Variants in KCNJ3 observed in about 807,000 individuals in gnomAD.
KCNJ3 encodes the protein potassium inwardly rectifying channel subfamily J member 3, also known as G protein-activated inward rectifier potassium channel 1.
Under a neutral mutation model 39.2 loss-of-function variants are expected in KCNJ3, and 4 were observed. The observed-to-expected ratio is 0.10, with a 90% CI of 0.05 to 0.23. The LOEUF is 0.23. KCNJ3 is among the 10% of genes least tolerant of loss of function. The probability of loss-of-function intolerance (pLI) is 1.00; values close to 1 mark genes in which losing one functional copy is unlikely to be tolerated. For synonymous variants in KCNJ3, 230 were observed against 237.4 expected (o/e 0.97, Z 0.29); for missense variants, 276 against 634.9 (o/e 0.43, Z 6.08).
chr2:154,780,973 A>G (rs1317204935), intron 2 of KCNJ3, among the ~76,000 whole-genome samples: 2 of 152,216 alleles, frequency 1.3e-5, no homozygotes, highest in African/African-American at 2.4e-5. Flanking sequence ...ACTATAAAAG[A>G]AGATTATTCT....
At chr2:154,825,629 G>A (rs953484350) in intron 2 of KCNJ3, among the ~76,000 whole-genome samples, 1 of 151,580 alleles carries the variant, frequency 6.6e-6, no homozygotes, top group African/African-American at 2.4e-5. Flanking sequence ...AGACTGGAGT[G>A]CAATGGCATG....
intron 2 of KCNJ3, among the ~76,000 whole-genome samples, chr2:154,739,036 G>T (rs1300005138): frequency 6.6e-6 from 1 of 151,926 alleles, no homozygotes; most frequent in Non-Finnish European, 1.5e-5. Context: ...CTAGAAAGCA[G>T]AAATCATAAA....
intron 2 of KCNJ3, among the ~76,000 whole-genome samples, chr2:154,783,495 C>T (rs1008288379): frequency 6.6e-6 from 1 of 152,122 alleles, no homozygotes; most frequent in Non-Finnish European, 1.5e-5. Flanking sequence ...CTGGATCTGT[C>T]TCAAAATAAT....
chr2:154,845,311 G>GT (rs1163591462), intron 2 of KCNJ3, among the ~76,000 whole-genome samples: 4 of 151,848 alleles, frequency 2.6e-5, no homozygotes, highest in Admixed American at 2.0e-4. Context: ...TAGAAATGGG[G>GT]TTTTACCATG....
intron 2 of KCNJ3, among the ~76,000 whole-genome samples, chr2:154,754,023 A>T (rs1409804694): frequency 6.6e-6 from 1 of 152,130 alleles, no homozygotes; most frequent in Non-Finnish European, 1.5e-5. Context: ...GATTTTTGCC[A>T]GTTTTCCACC....
chr2:154,806,857 G>A lies in KCNJ3; in HGVS notation c.920-47870G>A, dbSNP rs6755643. Among the ~76,000 whole-genome samples the A allele has an allele frequency of 9.8e-3, 1,494 of 152,174 alleles. 28 individuals carry two copies. Among genetic ancestry groups the A allele is most frequent in the South Asian group, 0.055 (266 of 4,818 alleles). On this transcript the variant is annotated intron_variant, in intron 2 of 2. Coordinates refer to ENST00000295101, the MANE Select transcript of KCNJ3 (RefSeq NM_002239.4). ...ACACGTAACTTTCTCTTTAAGTCTCGCACTGACCTTTCCTCTTGTCCAAGG... is the reference window on the plus strand; with the variant it reads ...ACACGTAACTTTCTCTTTAAGTCTCACACTGACCTTTCCTCTTGTCCAAGG...
At chr2:154,733,104 C>T (rs1685471142) in intron 2 of KCNJ3, among the ~76,000 whole-genome samples, 1 of 152,082 alleles carries the variant, frequency 6.6e-6, no homozygotes, top group Admixed American at 6.6e-5. Flanking sequence ...AGTCATTTTA[C>T]TTATGGTAAG....
At chr2:154,755,651 G>T (rs185959237) in intron 2 of KCNJ3, among the ~76,000 whole-genome samples, 301 of 150,432 alleles carry the variant, frequency 2.0e-3, no homozygotes, top group African/African-American at 7.1e-3. Context: ...TTGTACTAAG[G>T]TTCTTATTCA....
intron 2 of KCNJ3, among the ~76,000 whole-genome samples, chr2:154,738,708 C>T (rs1316901798): frequency 2.0e-5 from 3 of 151,842 alleles, no homozygotes; most frequent in Admixed American, 6.6e-5. Context: ...AGACAGAAGA[C>T]GGTGGAAAAA....
At chr2:154,771,596 G>A (rs901204570) in intron 2 of KCNJ3, among the ~76,000 whole-genome samples, 5 of 152,128 alleles carry the variant, frequency 3.3e-5, no homozygotes, top group African/African-American at 1.2e-4. Context: ...TAGAGAGGTT[G>A]TGTATTCCAA....
chr2:154,731,023 C>T (rs756639123), intron 2 of KCNJ3, among the ~76,000 whole-genome samples: 5 of 152,048 alleles, frequency 3.3e-5, no homozygotes, highest in East Asian at 3.9e-4. Flanking sequence ...AGAAGAATGC[C>T]GAGTACAGAA....
At chr2:154,779,552 T>C (rs751029601) in intron 2 of KCNJ3, among the ~76,000 whole-genome samples, 2 of 147,774 alleles carry the variant, frequency 1.4e-5, no homozygotes, top group Non-Finnish European at 3.0e-5. Flanking sequence ...TATTTATATA[T>C]ATAATTTTGG....
chr2:154,712,842 G>T (rs1025458975), intron 2 of KCNJ3, among the ~76,000 whole-genome samples: 1 of 152,054 alleles, frequency 6.6e-6, no homozygotes, highest in Non-Finnish European at 1.5e-5. Context: ...GGTTCCTGTA[G>T]GCTGTTTTAG....
chr2:154,839,907 G>A (rs1477400474), intron 2 of KCNJ3, among the ~76,000 whole-genome samples: 2 of 152,080 alleles, frequency 1.3e-5, no homozygotes, highest in African/African-American at 2.4e-5. Context: ...TCTGATGGTC[G>A]TTTCTTTTGC....
intron 2 of KCNJ3, among the ~76,000 whole-genome samples, chr2:154,814,339 A>G (rs1410747874): frequency 1.3e-5 from 2 of 152,174 alleles, no homozygotes; most frequent in Admixed American, 6.6e-5. Flanking sequence ...TGTATCAGGT[A>G]TAAAATGAAG....
chr2:154,778,605 C>T (rs1686378933), intron 2 of KCNJ3, among the ~76,000 whole-genome samples: 1 of 152,028 alleles, frequency 6.6e-6, no homozygotes, highest in African/African-American at 2.4e-5. Context: ...ATAGATTTCC[C>T]TTAAGACAAT....
In KCNJ3 at chr2:154,856,571, A is replaced by G. The variant is rs1275853714; in HGVS notation, c.*1258A>G. On this transcript the variant is annotated 3_prime_UTR_variant, in exon 3 of 3. Coordinates refer to ENST00000295101, the MANE Select transcript of KCNJ3 (RefSeq NM_002239.4). ...AACCTATCCCATGCCTGTCACTTAT[A>G]GTTCAGGAGGAAGTTTTTGCACAGA... The G allele has an allele frequency of 6.6e-6, 1 of 152,132 alleles. No homozygotes were observed. Among genetic ancestry groups the G allele is most frequent in the African/African-American group, 2.4e-5 (1 of 41,434 alleles). 9.4% of individuals were successfully genotyped at this position (152,132 alleles called of 1,614,324 possible). A position where few individuals can be genotyped will look rare whatever the true frequency, so the allele number is the denominator to read the frequency against.
intron 2 of KCNJ3, among the ~76,000 whole-genome samples, chr2:154,813,829 T>C (rs1310010637): frequency 4.6e-5 from 7 of 152,224 alleles, no homozygotes; most frequent in Non-Finnish European, 8.8e-5. Context: ...GCCGTGATGA[T>C]GTCAACTGGC....
chr2:154,760,735 C>CTTTT (rs887796000), intron 2 of KCNJ3, among the ~76,000 whole-genome samples: 9 of 127,736 alleles, frequency 7.0e-5, no homozygotes, highest in Non-Finnish European at 9.9e-5. Context: ...TCTTTTTTTT[C>CTTTT]TTTTTTTTTT....
Sources: gnomAD v4.1 joint callset for allele counts (sites outside exome capture counted in the v4.1 genomes callset) on GRCh38, gnomAD v4.1.1 for gene constraint, MANE v1.5 for transcripts, NCBI Gene and HGNC (gene_info 2026-07-23, HGNC 2026-07-21) for gene names.